Variants in RAD51B observed in about 807,000 individuals in gnomAD.
RAD51B encodes RAD51 paralog B.
RAD51B carries 38 observed loss-of-function variants against 42.2 expected under a neutral mutation model. The ratio of observed to expected loss-of-function variants is 0.90; its 90% CI spans 0.70 to 1.18. RAD51B has a LOEUF of 1.18. Among genes scored for constraint, RAD51B ranks in the 50% most tolerant of loss-of-function variants. RAD51B has a pLI of 0.00. For missense variants in RAD51B, 373 were observed against 400.7 expected, an observed-to-expected ratio of 0.93 and a Z score of 0.59; for synonymous variants, 154 against 145.2, an observed-to-expected ratio of 1.06 and a Z score of -0.43.
At chr14:68,157,617 A>G (rs941149764) in intron 7 of RAD51B, among the ~76,000 whole-genome samples, 11 of 152,234 alleles carry the variant, frequency 7.2e-5, no homozygotes, top group African/African-American at 2.4e-4. Context: ...CTTAACTACC[A>G]GTTCACTGTC....
chr14:68,104,383 C>T (rs1404626481), intron 7 of RAD51B, among the ~76,000 whole-genome samples: 1 of 152,096 alleles, frequency 6.6e-6, no homozygotes, highest in Non-Finnish European at 1.5e-5. Context: ...ATGGTAGGTT[C>T]TTTGAGCAAG....
intron 10 of RAD51B, among the ~76,000 whole-genome samples, chr14:68,536,840 G>C (rs1887649866): frequency 6.6e-6 from 1 of 151,816 alleles, no homozygotes; most frequent in African/African-American, 2.4e-5. Context: ...CCAGCACTTT[G>C]GGAGGCCGAG....
chr14:68,274,513 C>G (rs940180310), intron 7 of RAD51B, among the ~76,000 whole-genome samples: 3 of 152,112 alleles, frequency 2.0e-5, no homozygotes, highest in African/African-American at 4.8e-5. Context: ...TCAGATTTCC[C>G]TGATTGTCTC....
At chr14:68,661,781 A>G (rs1478659496) in intron 11 of RAD51B, among the ~76,000 whole-genome samples, 1 of 152,034 alleles carries the variant, frequency 6.6e-6, no homozygotes, top group Non-Finnish European at 1.5e-5. Context: ...GAACATCTCT[A>G]AGGGAAGCCA....
At chr14:68,115,909 T>C (rs1025068957) in intron 7 of RAD51B, among the ~76,000 whole-genome samples, 3 of 151,826 alleles carry the variant, frequency 2.0e-5, no homozygotes, top group Non-Finnish European at 4.4e-5. Context: ...GTCAATACCC[T>C]TCCTACAAAC....
intron 10 of RAD51B, among the ~76,000 whole-genome samples, chr14:68,633,792 G>A (rs1228970314): frequency 6.6e-6 from 1 of 152,222 alleles, no homozygotes; most frequent in Non-Finnish European, 1.5e-5. Flanking sequence ...AGATGTGACC[G>A]TCCTGGAGGA....
chr14:68,601,238 T>G (rs1566951086), intron 10 of RAD51B, among the ~76,000 whole-genome samples: 1 of 151,888 alleles, frequency 6.6e-6, no homozygotes, highest in Non-Finnish European at 1.5e-5. Context: ...ACTTTTTTTT[T>G]GGTGGGGGGG....
intron 7 of RAD51B, among the ~76,000 whole-genome samples, chr14:68,066,206 A>G (rs1378194202): frequency 6.6e-6 from 1 of 152,144 alleles, no homozygotes; most frequent in Non-Finnish European, 1.5e-5. Context: ...TTGTAATAGT[A>G]ATTAAATAAG....
At chr14:67,932,293 A>G (rs2044767645) in intron 7 of RAD51B, among the ~76,000 whole-genome samples, 1 of 152,168 alleles carries the variant, frequency 6.6e-6, no homozygotes, top group African/African-American at 2.4e-5. Context: ...TCAGTTGTGT[A>G]GTCTCTGTAT....
chr14:68,579,143 AC>A (rs1890101207), intron 10 of RAD51B, among the ~76,000 whole-genome samples: 1 of 152,068 alleles, frequency 6.6e-6, no homozygotes, highest in Non-Finnish European at 1.5e-5. Context: ...ACATGGCCTC[AC>A]CTTGAAAATT....
chr14:68,203,472 G>C (rs1455718234), intron 7 of RAD51B, among the ~76,000 whole-genome samples: 3 of 152,134 alleles, frequency 2.0e-5, no homozygotes, highest in Non-Finnish European at 4.4e-5. Flanking sequence ...TCCACTTCTA[G>C]AGCACAGGCA....
intron 10 of RAD51B, among the ~76,000 whole-genome samples, chr14:68,549,209 A>G (rs971199490): frequency 6.6e-6 from 1 of 151,282 alleles, no homozygotes; most frequent in Non-Finnish European, 1.5e-5. Flanking sequence ...GACTTGGAAC[A>G]TCCCCGTTTT....
At chr14:68,043,429 C>A (rs1044288167) in intron 7 of RAD51B, among the ~76,000 whole-genome samples, 8 of 152,094 alleles carry the variant, frequency 5.3e-5, no homozygotes, top group Non-Finnish European at 1.2e-4. Context: ...GATCAGAATG[C>A]CATTTTGGAA....
At chr14:67,825,333 A>G (rs1878557106) in intron 2 of RAD51B, 131 bp from the exon 3 acceptor site, 5 of 560,092 alleles carry the variant, frequency 8.9e-6, no homozygotes, top group Middle Eastern at 9.3e-4. Flanking sequence ...ACTACAATGA[A>G]TGTATAAATC....
chr14:68,169,619 C>T (rs191965395), intron 7 of RAD51B, among the ~76,000 whole-genome samples: 11 of 152,278 alleles, frequency 7.2e-5, no homozygotes, highest in African/African-American at 2.6e-4. Context: ...ACATAACTCT[C>T]TGTGTAGATG....
intron 8 of RAD51B, among the ~76,000 whole-genome samples, chr14:68,403,513 C>T (rs937632260): frequency 1.3e-5 from 2 of 152,182 alleles, no homozygotes; most frequent in Non-Finnish European, 2.9e-5. Flanking sequence ...AATACTGACA[C>T]GGGTTGGTAC....
At chr14:67,976,585 C>G (rs1337258704) in intron 7 of RAD51B, among the ~76,000 whole-genome samples, 1 of 152,054 alleles carries the variant, frequency 6.6e-6, no homozygotes, top group African/African-American at 2.4e-5. Flanking sequence ...TAAAGACTTA[C>G]ATATTAGACC....
At chr14:68,139,072 A>G (rs2078070787) in intron 7 of RAD51B, among the ~76,000 whole-genome samples, 1 of 152,176 alleles carries the variant, frequency 6.6e-6, no homozygotes, top group Non-Finnish European at 1.5e-5. Context: ...ATTTTTAAAA[A>G]TCACTTGAAA....
intron 9 of RAD51B, among the ~76,000 whole-genome samples, chr14:68,451,288 C>T (rs1220113775): frequency 6.6e-6 from 1 of 152,198 alleles, no homozygotes; most frequent in African/African-American, 2.4e-5. Flanking sequence ...TGAATTATTT[C>T]AGTCTGTGAG....
Sources: gnomAD v4.1 joint callset for allele counts (sites outside exome capture counted in the v4.1 genomes callset) on GRCh38, gnomAD v4.1.1 for gene constraint, MANE v1.5 for transcripts, NCBI Gene and HGNC (gene_info 2026-07-23, HGNC 2026-07-21) for gene names.